Variants in OMA1 observed in about 807,000 individuals in gnomAD.
OMA1 encodes metalloendopeptidase OMA1, mitochondrial.
OMA1 carries 38 observed loss-of-function variants against 30.9 expected under a neutral mutation model. The ratio of observed to expected loss-of-function variants is 1.23; its 90% CI spans 0.95 to 1.61. OMA1 has a LOEUF of 1.61. Ranked by LOEUF, OMA1 falls within the 40% of genes most tolerant of loss-of-function variation. The pLI, the probability that OMA1 is intolerant of heterozygous loss-of-function variation, is 0.00. For missense variants in OMA1, 461 were observed against 349.2 expected, an observed-to-expected ratio of 1.32 and a Z score of -2.55; for synonymous variants, 173 against 121.9, an observed-to-expected ratio of 1.42 and a Z score of -2.76.
chr1:58,537,454 A>C (rs1389089967), intron 2 of OMA1, among the ~76,000 whole-genome samples: 1 of 152,202 alleles, frequency 6.6e-6, no homozygotes, highest in Non-Finnish European at 1.5e-5. Flanking sequence ...GAAAAAGGAG[A>C]GATAACAAGA....
intron 5 of OMA1, 80 bp downstream of exon 5, chr1:58,533,873 A>G: frequency 1.3e-6 from 1 of 790,752 alleles, no homozygotes; most frequent in South Asian, 1.4e-5. Context: ...AAACCTGAAA[A>G]AAATCAGTTC....
chr1:58,530,159 G>T (rs1646413140), intron 6 of OMA1, among the ~76,000 whole-genome samples: 1 of 152,178 alleles, frequency 6.6e-6, no homozygotes, highest in East Asian at 1.9e-4. Context: ...GAGATTACAG[G>T]CATGAGCCAC....
intron 8 of OMA1, among the ~76,000 whole-genome samples, chr1:58,503,825 T>C (rs923856915): frequency 6.6e-6 from 1 of 152,212 alleles, no homozygotes; most frequent in African/African-American, 2.4e-5. Context: ...CTATGGTATT[T>C]TTATTATTGC....
chr1:58,500,333 G>A lies in OMA1; in HGVS notation c.1365+5727C>T, dbSNP rs181557639. 4.1e-3 allele frequency among the ~76,000 whole-genome samples: 618 copies of A among 152,238 alleles called. 1 individual carries two copies. Among genetic ancestry groups the A allele is most frequent in the Admixed American group, 9.0e-3 (137 of 15,280 alleles). The stretch of plus-strand genomic sequence containing the variant: ...CAGACAAAATGAAATTCTGTAAGGT[G>A]AACAGTGTATGTTTGTGTACACTGG... On this transcript the variant is annotated intron_variant, in intron 8 of 8. Transcript: ENST00000371226.
intron 8 of OMA1, among the ~76,000 whole-genome samples, chr1:58,503,304 T>G (rs1375908200): frequency 6.6e-6 from 1 of 152,180 alleles, no homozygotes; most frequent in Non-Finnish European, 1.5e-5. Flanking sequence ...CAAAGGACCC[T>G]CTTATAGTCA....
At chr1:58,530,837 G>T in intron 5 of OMA1, 108 bp from the exon 6 acceptor site, 1 of 650,592 alleles carries the variant, frequency 1.5e-6, no homozygotes. Flanking sequence ...CTCCACCTAA[G>T]ACTGAGAGTT....
intron 7 of OMA1, among the ~76,000 whole-genome samples, chr1:58,510,693 T>C (rs140240891): frequency 2.0e-5 from 3 of 152,070 alleles, no homozygotes; most frequent in Non-Finnish European, 2.9e-5. Flanking sequence ...GATTTGCAGA[T>C]GATATGATCT....
intron 8 of OMA1, among the ~76,000 whole-genome samples, chr1:58,499,509 A>ATAGATAGATAGATAGATAAATAG (rs776144705): frequency 4.7e-5 from 2 of 42,854 alleles, no homozygotes; most frequent in South Asian, 7.0e-4. Context: ...TAGATAGATA[A>ATAGATAGATAGATAGATAAATAG]ATAGATAGAT....
intron 8 of OMA1, among the ~76,000 whole-genome samples, chr1:58,488,793 CCT>C (rs1645621975): frequency 6.6e-6 from 1 of 152,202 alleles, no homozygotes; most frequent in South Asian, 2.1e-4. Context: ...CACTGTTTCC[CCT>C]GAGCCCCCAA....
At chr1:58,495,814 G>T (rs1645790974) in intron 8 of OMA1, among the ~76,000 whole-genome samples, 1 of 152,070 alleles carries the variant, frequency 6.6e-6, no homozygotes, top group South Asian at 2.1e-4. Context: ...ACAGCAAGAA[G>T]TATAAGAACT....
chr1:58,530,859 C>G, intron 5 of OMA1, 130 bp from the exon 6 acceptor site: 1 of 599,620 alleles, frequency 1.7e-6, no homozygotes, highest in Non-Finnish European at 2.9e-6. Flanking sequence ...TCTTTTTCTT[C>G]TTTTGCTTAT....
At chr1:58,538,736 C>A in intron 2 of OMA1, 59 bp downstream of exon 2, 2 of 692,082 alleles carry the variant, frequency 2.9e-6, no homozygotes, top group South Asian at 2.2e-5. Context: ...AATACGTTAG[C>A]ACAAAATATT....
Position 58,539,109 on chromosome 1 carries a change from A to C in OMA1, c.186T>G (p.Ser62Arg), listed in dbSNP as rs1356371226. Residue 62 changes from serine to arginine, a missense_variant, in exon 2 of 9, where the codon AGT (serine) becomes AGG (arginine). Transcript: ENST00000371226. ...AAAAATGAAAGTTTCCAGGCAGAAAACTCCACCTGTCACACTGATTTACTC... is the reference window on the plus strand; with the variant it reads ...AAAAATGAAAGTTTCCAGGCAGAAACCTCCACCTGTCACACTGATTTACTC... ...GLGVNQCDRWSFLPGNFHFYS... is the reference protein window; with the variant it reads ...GLGVNQCDRWRFLPGNFHFYS... 1.1e-6 allele frequency: 1 copy of C among 872,658 alleles called. No individual in the cohort carries two copies. Among genetic ancestry groups the C allele is most frequent in the Non-Finnish European group, 2.0e-6 (1 of 501,630 alleles). 54.1% of individuals were successfully genotyped at this position (872,658 alleles called of 1,614,324 possible).
intron 8 of OMA1, among the ~76,000 whole-genome samples, chr1:58,497,563 T>C (rs1362485735): frequency 6.6e-6 from 1 of 152,092 alleles, no homozygotes; most frequent in Admixed American, 6.6e-5. Context: ...AAGAGTTATT[T>C]TCTACTAATT....
At chr1:58,487,834 C>T (rs1333899992) in intron 8 of OMA1, among the ~76,000 whole-genome samples, 1 of 151,028 alleles carries the variant, frequency 6.6e-6, no homozygotes, top group Non-Finnish European at 1.5e-5. Context: ...TTGACCTGAG[C>T]TATTAATTAA....
At chr1:58,493,480 CCT>C (rs1250784341) in intron 8 of OMA1, among the ~76,000 whole-genome samples, 1 of 151,400 alleles carries the variant, frequency 6.6e-6, no homozygotes, top group Non-Finnish European at 1.5e-5. Context: ...TCAAATTGTC[CCT>C]GTTTGCAGAT....
chr1:58,511,578 G>A (rs1472434547), intron 7 of OMA1, among the ~76,000 whole-genome samples: 3 of 152,012 alleles, frequency 2.0e-5, no homozygotes, highest in Admixed American at 2.0e-4. Context: ...AGAGTAAGCT[G>A]TGATCACATC....
chr1:58,489,189 C>T (rs2100368638), intron 8 of OMA1, among the ~76,000 whole-genome samples: 1 of 152,318 alleles, frequency 6.6e-6, no homozygotes, highest in East Asian at 1.9e-4. Flanking sequence ...ATTCCCTTTC[C>T]TAGCCAAGGA....
In OMA1 at chr1:58,539,193, G is replaced by T; in HGVS notation, c.102C>A (p.Thr34=). Reference sequence around the variant, plus strand: ...CTTGTACTTGATGACAGCCCCGTGAGGTGGATGCTAATGTGTTACATTTTC... The same window carrying T: ...CTTGTACTTGATGACAGCCCCGTGATGTGGATGCTAATGTGTTACATTTTC... ...NWRKCNTLAS[T]SRGCHQVQVN... is the part of the protein sequence containing the mutation. The change falls in exon 2 of 9, where the codon ACC becomes ACA. Residue 34 remains threonine (T), a synonymous_variant. Transcript: ENST00000371226. The T allele has an allele frequency of 1.1e-6, 1 of 872,910 alleles. No individual in the cohort carries two copies. Among genetic ancestry groups the T allele is most frequent in the South Asian group, 1.3e-5 (1 of 76,536 alleles). 54.1% of individuals were successfully genotyped at this position (872,910 alleles called of 1,614,324 possible). A position where few individuals can be genotyped will look rare whatever the true frequency, so the allele number is the denominator to read the frequency against.
Sources: gnomAD v4.1 joint callset for allele counts (sites outside exome capture counted in the v4.1 genomes callset) on GRCh38, gnomAD v4.1.1 for gene constraint, MANE v1.5 for transcripts, NCBI Gene and HGNC (gene_info 2026-07-23, HGNC 2026-07-21) for gene names.